TENM2: variants seen among roughly 807,000 people sequenced by gnomAD.
TENM2 encodes the protein teneurin transmembrane protein 2.
In TENM2, 52 loss-of-function variants were observed where a neutral mutation model predicts 245.2. That is an observed-to-expected ratio of 0.21 (90% confidence interval 0.17 to 0.27). The LOEUF (loss-of-function observed/expected upper bound fraction) is 0.27. Among genes scored for constraint, TENM2 ranks in the 10% least tolerant of loss-of-function variants. The pLI, the probability that TENM2 is intolerant of heterozygous loss-of-function variation, is 1.00. For missense variants in TENM2, 3,046 were observed against 3,666.8 expected (o/e 0.83, Z 4.37); for synonymous variants, 1,363 against 1,438.9 (o/e 0.95, Z 1.19).
At chr5:167,515,638 T>TATAC (rs1562018906) in intron 2 of TENM2, among the ~76,000 whole-genome samples, 3 of 133,982 alleles carry the variant, frequency 2.2e-5, no homozygotes, top group Non-Finnish European at 5.0e-5. Context: ...TACATATATA[T>TATAC]GTATATATAT....
chr5:167,794,952 G>T (rs1457826418), intron 2 of TENM2, among the ~76,000 whole-genome samples: 1 of 152,106 alleles, frequency 6.6e-6, no homozygotes, highest in African/African-American at 2.4e-5. Flanking sequence ...CTGGGTGAAG[G>T]TTTCTAGTGA....
the TENM2 span, among the ~76,000 whole-genome samples, chr5:167,219,278 T>C: frequency 6.6e-6 from 1 of 151,698 alleles, no homozygotes; most frequent in East Asian, 1.9e-4. Context: ...CCAGCTTGAA[T>C]GATAGGGTGA....
At chr5:168,261,954 T>A in intron 28 of TENM2, 95 bp from the exon 31 acceptor site, 1 of 1,251,282 alleles carries the variant, frequency 8.0e-7, no homozygotes, top group Admixed American at 2.2e-5. Context: ...ACACTAGTTC[T>A]TGCAGGAGAG....
At chr5:167,454,743 C>T (rs1765812353) in intron 2 of TENM2, among the ~76,000 whole-genome samples, 1 of 152,158 alleles carries the variant, frequency 6.6e-6, no homozygotes, top group Admixed American at 6.5e-5. Flanking sequence ...ACAGTTACAT[C>T]AGATCTGTAT....
chr5:167,231,047 G>A, the TENM2 span, among the ~76,000 whole-genome samples: 2 of 152,192 alleles, frequency 1.3e-5, no homozygotes, highest in Non-Finnish European at 2.9e-5. Flanking sequence ...TGCTGCCCAT[G>A]AAGAGGTGCC....
chr5:167,233,679 A>G, the TENM2 span, among the ~76,000 whole-genome samples: 2 of 152,204 alleles, frequency 1.3e-5, no homozygotes, highest in Admixed American at 6.5e-5. Context: ...TAAGAAAAGC[A>G]CTTGATTTCA....
At chr5:167,568,092 C>A (rs1295432405) in intron 2 of TENM2, among the ~76,000 whole-genome samples, 1 of 151,776 alleles carries the variant, frequency 6.6e-6, no homozygotes, top group African/African-American at 2.4e-5. Context: ...TAACAGTTCA[C>A]CAATGGTATG....
chr5:167,974,992 T>C (rs79831573), intron 4 of TENM2, among the ~76,000 whole-genome samples: 6,775 of 152,302 alleles, frequency 0.044, 252 homozygotes, highest in African/African-American at 0.09. Context: ...GTCCAAGCCT[T>C]CAAGATGTCT....
At chr5:167,125,441 A>C in the TENM2 span, among the ~76,000 whole-genome samples, 3 of 152,190 alleles carry the variant, frequency 2.0e-5, no homozygotes, top group Non-Finnish European at 4.4e-5. Flanking sequence ...TTGGAGCGGA[A>C]TTTTGTATCT....
chr5:168,016,510 G>A (rs1025275303), intron 5 of TENM2, among the ~76,000 whole-genome samples: 3 of 152,200 alleles, frequency 2.0e-5, no homozygotes, highest in Non-Finnish European at 4.4e-5. Flanking sequence ...CTTGCTAAGA[G>A]TAAAACAATT....
chr5:167,319,361 G>C (rs1418625525), intron 1 of TENM2, among the ~76,000 whole-genome samples: 1 of 151,992 alleles, frequency 6.6e-6, no homozygotes, highest in Non-Finnish European at 1.5e-5. Flanking sequence ...GGTTAGTTGG[G>C]TGTATTAAAT....
intron 3 of TENM2, among the ~76,000 whole-genome samples, chr5:167,950,165 A>C (rs1779967730): frequency 6.6e-6 from 1 of 152,188 alleles, no homozygotes; most frequent in Non-Finnish European, 1.5e-5. Context: ...CTTCTAGTTA[A>C]CTGGAAAACT....
At chr5:168,072,476 T>C (rs1003392923) in intron 7 of TENM2, among the ~76,000 whole-genome samples, 4 of 152,138 alleles carry the variant, frequency 2.6e-5, no homozygotes, top group Non-Finnish European at 2.9e-5. Flanking sequence ...CAAATACTCA[T>C]TGAATGTCTG....
Position 167,629,750 on chromosome 5 carries a change from C to T in TENM2, c.503-246236C>T, listed in dbSNP as rs528996054. On this transcript the variant is annotated intron_variant, in intron 2 of 28. Transcript: ENST00000518659. ...GAGTCAACTACATTAAAGTAATACA[C>T]CTCCCTGGGATTTGAGGAAATTATT... 1.2e-3 allele frequency among the ~76,000 whole-genome samples: 181 copies of T among 152,280 alleles called. 1 individual carries two copies. Among genetic ancestry groups the T allele is most frequent in the African/African-American group, 4.1e-3 (172 of 41,566 alleles).
chr5:167,461,729 A>T (rs1766301868), intron 2 of TENM2, among the ~76,000 whole-genome samples: 1 of 152,238 alleles, frequency 6.6e-6, no homozygotes, highest in South Asian at 2.1e-4. Context: ...TCAAATAAAT[A>T]AACATATGGC....
chr5:167,544,028 C>G (rs1337714470), intron 2 of TENM2, among the ~76,000 whole-genome samples: 3 of 152,138 alleles, frequency 2.0e-5, no homozygotes, highest in Admixed American at 1.3e-4. Context: ...TCCAGGACTT[C>G]AAGATCTTTT....
the TENM2 span, among the ~76,000 whole-genome samples, chr5:167,139,947 A>G: frequency 6.6e-6 from 1 of 152,182 alleles, no homozygotes; most frequent in African/African-American, 2.4e-5. Flanking sequence ...ATATATTTTT[A>G]TATTTCAGTC....
intron 1 of TENM2, among the ~76,000 whole-genome samples, chr5:167,313,392 A>C (rs1756157719): frequency 6.6e-6 from 1 of 152,182 alleles, no homozygotes; most frequent in Admixed American, 6.5e-5. Context: ...TTATAATCCC[A>C]GCACTTTGGG....
intron 27 of TENM2, among the ~76,000 whole-genome samples, chr5:168,255,098 T>C (rs1767531293): frequency 6.6e-6 from 1 of 151,954 alleles, no homozygotes; most frequent in Admixed American, 6.6e-5. Context: ...AGGACTTCTC[T>C]TGCTTTTCTT....
Sources: allele counts gnomAD v4.1 joint callset (sites outside exome capture counted in the v4.1 genomes callset), GRCh38; gene constraint gnomAD v4.1.1; transcripts MANE v1.5; gene names NCBI Gene and HGNC (gene_info 2026-07-23, HGNC 2026-07-21).